TUT4: variants seen among roughly 807,000 people sequenced by gnomAD.
The protein encoded by TUT4 is terminal uridylyltransferase 4.
A neutral mutation model predicts 192.2 loss-of-function variants in TUT4; 36 were observed. The ratio of observed to expected loss-of-function variants is 0.19; its 90% CI spans 0.14 to 0.25. The LOEUF is 0.25. TUT4 is among the 10% of genes least tolerant of loss of function. The probability of loss-of-function intolerance (pLI) is 1.00; values close to 1 mark genes in which losing one functional copy is unlikely to be tolerated. For synonymous variants in TUT4, 618 were observed against 666.0 expected, an observed-to-expected ratio of 0.93 and a Z score of 1.11; for missense variants, 1,493 against 1,957.2, an observed-to-expected ratio of 0.76 and a Z score of 4.47.
chr1:52,504,161 C>T (rs932698752), intron 4 of TUT4, among the ~76,000 whole-genome samples: 1 of 152,184 alleles, frequency 6.6e-6, no homozygotes, highest in African/African-American at 2.4e-5. Flanking sequence ...TAGGCCTGTA[C>T]TCCCACAATT....
intron 1 of TUT4, 134 bp from the exon 2 acceptor site, chr1:52,526,507 A>C: frequency 6.8e-6 from 2 of 292,592 alleles, no homozygotes; most frequent in African/African-American, 4.3e-5. Context: ...AAAAAAAGAC[A>C]AAACTCAGAA....
intron 7 of TUT4, 41 bp from the exon 8 acceptor site, chr1:52,490,842 T>G: frequency 7.6e-6 from 11 of 1,442,282 alleles, no homozygotes; most frequent in Non-Finnish European, 9.6e-6. Flanking sequence ...TCAACATCTC[T>G]AAAATACGTA....
chr1:52,461,818 A>G, intron 16 of TUT4, 49 bp from the exon 17 acceptor site: 1 of 1,080,894 alleles, frequency 9.3e-7, no homozygotes, highest in Non-Finnish European at 1.3e-6. Context: ...CACCTTGTGC[A>G]AATTCTACTT....
chr1:52,500,776 T>G (rs1673875288), intron 4 of TUT4, among the ~76,000 whole-genome samples: 1 of 149,998 alleles, frequency 6.7e-6, no homozygotes, highest in African/African-American at 2.5e-5. Context: ...AAAATAAAAA[T>G]AAATAAAAAA....
intron 25 of TUT4, 41 bp downstream of exon 25, chr1:52,438,179 T>G (rs185700349): frequency 6.5e-6 from 10 of 1,529,150 alleles, no homozygotes; most frequent in Non-Finnish European, 9.0e-6. Context: ...TGGCCTCTCA[T>G]TTATTTTCCT....
chr1:52,464,108 G>C (rs1031340032), intron 16 of TUT4, among the ~76,000 whole-genome samples: 1 of 152,084 alleles, frequency 6.6e-6, no homozygotes, highest in African/African-American at 2.4e-5. Context: ...TCTGTAAAAT[G>C]GGGGAAATAA....
intron 12 of TUT4, among the ~76,000 whole-genome samples, chr1:52,477,299 C>T (rs1485334523): frequency 2.0e-5 from 3 of 152,124 alleles, no homozygotes; most frequent in Non-Finnish European, 4.4e-5. Flanking sequence ...AGGCCATGCA[C>T]GGTGGCTCAT....
chr1:52,520,775 T>C (rs1206719662), intron 2 of TUT4, among the ~76,000 whole-genome samples: 1 of 152,068 alleles, frequency 6.6e-6, no homozygotes, highest in Non-Finnish European at 1.5e-5. Context: ...CCACCTTACT[T>C]AACTTACTCT....
intron 7 of TUT4, among the ~76,000 whole-genome samples, chr1:52,491,641 C>T (rs905852846): frequency 6.6e-5 from 10 of 152,028 alleles, no homozygotes; most frequent in East Asian, 1.9e-4. Context: ...GAGCCGAGAT[C>T]GTGCCACTAC....
At chr1:52,509,796 T>C (rs962396189) in intron 3 of TUT4, 84 bp from the exon 4 acceptor site, 9 of 818,834 alleles carry the variant, frequency 1.1e-5, no homozygotes, top group African/African-American at 5.2e-5. Flanking sequence ...AATACAATTA[T>C]GTAAGTAGAC....
At chr1:52,542,254 T>A (rs556475134) in intron 1 of TUT4, among the ~76,000 whole-genome samples, 1 of 152,270 alleles carries the variant, frequency 6.6e-6, no homozygotes, top group South Asian at 2.1e-4. Flanking sequence ...ATGGAAATGT[T>A]CTGGAAATGG....
chr1:52,444,970 T>C (rs970565933), intron 24 of TUT4, among the ~76,000 whole-genome samples: 1 of 150,416 alleles, frequency 6.6e-6, no homozygotes, highest in African/African-American at 2.5e-5. Flanking sequence ...TGTATATACA[T>C]GTATATGTGT....
intron 11 of TUT4, among the ~76,000 whole-genome samples, chr1:52,480,509 A>C (rs1402086118): frequency 6.6e-6 from 1 of 152,342 alleles, no homozygotes; most frequent in East Asian, 1.9e-4. Context: ...CAAAAATAGT[A>C]AATACAGACA....
chr1:52,431,567 A>G, intron 27 of TUT4, 107 bp from the exon 28 acceptor site: 2 of 868,338 alleles, frequency 2.3e-6, no homozygotes, highest in South Asian at 6.1e-5. Context: ...GAACTCTATG[A>G]TGTATATCAT....
intron 11 of TUT4, among the ~76,000 whole-genome samples, chr1:52,479,997 G>GAAAA (rs375149209): frequency 4.5e-5 from 3 of 67,180 alleles, no homozygotes; most frequent in Non-Finnish European, 6.2e-5. Context: ...TCCGTCTCAG[G>GAAAA]AAAAAAAAAA....
chr1:52,495,578 C>G, intron 5 of TUT4, 63 bp from the exon 6 acceptor site: 1 of 1,283,108 alleles, frequency 7.8e-7, no homozygotes, highest in Non-Finnish European at 1.1e-6. Flanking sequence ...TGTAAAAAAA[C>G]AGCGACGGGA....
At chr1:52,448,536 C>G (rs1383332277) in intron 20 of TUT4, among the ~76,000 whole-genome samples, 1 of 134,466 alleles carries the variant, frequency 7.4e-6, no homozygotes, top group Non-Finnish European at 1.5e-5. Context: ...TTGCAATGAG[C>G]TGAGATTGTG....
intron 3 of TUT4, among the ~76,000 whole-genome samples, chr1:52,513,052 G>A (rs912678472): frequency 1.3e-5 from 2 of 151,586 alleles, no homozygotes; most frequent in African/African-American, 2.4e-5. Flanking sequence ...GAAACTGGGA[G>A]GCAGAGGTTG....
In TUT4 at chr1:52,468,263, C is replaced by T; in HGVS notation, c.2883G>A (p.Glu961=). The change falls in exon 15 of 30, where the codon GAG becomes GAA. Residue 961 remains glutamate (E), a synonymous_variant. Coordinates refer to ENST00000257177, the MANE Select transcript of TUT4 (RefSeq NM_001009881.3). ...GTTGTTCAGAACAAGGTGGTGATAACTCATCTGGGTTTATAAAAAGAAGAA... is the reference window on the plus strand; with the variant it reads ...GTTGTTCAGAACAAGGTGGTGATAATTCATCTGGGTTTATAAAAAGAAGAA... The part of the protein sequence containing the change: ...LDLVCKRCFD[E]LSPPCSEQHN... 1.3e-6 allele frequency: 2 copies of T among 1,589,346 alleles called. No individual in the cohort carries two copies. The highest frequency in any genetic ancestry group is 1.4e-5 in the African/African-American group (1 of 73,448).
Sources: gnomAD v4.1 joint callset for allele counts (sites outside exome capture counted in the v4.1 genomes callset) on GRCh38, gnomAD v4.1.1 for gene constraint, MANE v1.5 for transcripts, NCBI Gene and HGNC (gene_info 2026-07-23, HGNC 2026-07-21) for gene names.